Variants in BANP observed in about 807,000 individuals in gnomAD.
BANP encodes the protein BTG3 associated nuclear protein.
BANP carries 11 observed loss-of-function variants against 68.1 expected under a neutral mutation model. That is an observed-to-expected ratio of 0.16 (90% confidence interval 0.10 to 0.27). The LOEUF is 0.27. BANP is among the 10% of genes least tolerant of loss of function. The pLI is 1.00. For synonymous variants in BANP, 329 were observed against 303.2 expected, an observed-to-expected ratio of 1.09 and a Z score of -0.88; for missense variants, 504 against 722.7, an observed-to-expected ratio of 0.70 and a Z score of 3.47.
chr16:88,013,620 G>T (rs1314212549), intron 6 of BANP, among the ~76,000 whole-genome samples: 1 of 152,360 alleles, frequency 6.6e-6, no homozygotes, highest in African/African-American at 2.4e-5. Flanking sequence ...TCAGAGCTCA[G>T]CAGGACTTTG....
At chr16:88,033,839 C>T (rs4843774) in intron 9 of BANP, among the ~76,000 whole-genome samples, 108,582 of 152,080 alleles carry the variant, frequency 0.71, 42,282 homozygotes, top group East Asian at 0.88. Context: ...GGCTTGCTCC[C>T]GGGTGAAGTC....
rs528725968 is a variant in BANP, at chr16:88,029,338, T to G, written c.1063+1688T>G. ...AAAAAAAAAAAAAAAAGCCGGGTGC[T>G]GTGGCTCACGCATGTAATCCCAGCA... is the stretch of plus-strand genomic sequence containing the variant. On this transcript the variant is annotated intron_variant, in intron 8 of 13. Coordinates refer to ENST00000682872, the MANE Select transcript of BANP (RefSeq NM_001386991.1). 1.8e-3 allele frequency among the ~76,000 whole-genome samples: 253 copies of G among 139,730 alleles called. 1 individual carries two copies. Among genetic ancestry groups the G allele is most frequent in the African/African-American group, 5.4e-3 (198 of 36,986 alleles). The allele number at this position is 139,730 out of a possible 152,430, so 91.7% of individuals were successfully genotyped here. A position where few individuals can be genotyped will look rare whatever the true frequency, so the allele number is the denominator to read the frequency against.
Position 88,038,625 on chromosome 16 carries a change from G to A in BANP, c.1311+614G>A, listed in dbSNP as rs114183060. On this transcript the variant is annotated intron_variant, in intron 11 of 13. Coordinates refer to ENST00000682872, the MANE Select transcript of BANP (RefSeq NM_001386991.1). Reference sequence around the variant, plus strand: ...CAAACTTGCCAGCTTTCTAATCCTTGATGAAAAGAGTGACCATTGGTTGAA... The same window carrying A: ...CAAACTTGCCAGCTTTCTAATCCTTAATGAAAAGAGTGACCATTGGTTGAA... Among the ~76,000 whole-genome samples the A allele has an allele frequency of 3.2e-3, 490 of 152,312 alleles. 4 individuals are homozygous for A. Among genetic ancestry groups the A allele is most frequent in the African/African-American group, 0.011 (470 of 41,562 alleles).
intron 7 of BANP, among the ~76,000 whole-genome samples, chr16:88,021,151 G>T (rs1280039871): frequency 6.6e-6 from 1 of 152,218 alleles, no homozygotes; most frequent in Non-Finnish European, 1.5e-5. Flanking sequence ...CCCTGGGCCC[G>T]CTGGCTTCGG....
chr16:87,999,371 C>CCCA (rs2068433255), intron 4 of BANP, among the ~76,000 whole-genome samples: 1 of 143,320 alleles, frequency 7.0e-6, no homozygotes. Context: ...CTTCCAGACA[C>CCCA]GTCTCCATGC....
intron 6 of BANP, among the ~76,000 whole-genome samples, chr16:88,010,812 C>T (rs2072879377): frequency 6.6e-6 from 1 of 152,124 alleles, no homozygotes; most frequent in Non-Finnish European, 1.5e-5. Flanking sequence ...CCATGGAATG[C>T]CATTCGTGCA....
At chr16:88,051,678 C>A (rs2083299759) in intron 11 of BANP, among the ~76,000 whole-genome samples, 1 of 152,174 alleles carries the variant, frequency 6.6e-6, no homozygotes, top group African/African-American at 2.4e-5. Context: ...TAGCAGCCCA[C>A]CCACCTGACA....
At position 88,004,717 on chromosome 16, in the gene BANP, C is replaced by A. The variant is rs2070459810; in HGVS notation, c.479+306C>A. Among the ~76,000 whole-genome samples the A allele has an allele frequency of 6.6e-6, 1 of 152,210 alleles. No homozygotes were observed. Among genetic ancestry groups the A allele is most frequent in the African/African-American group, 2.4e-5 (1 of 41,452 alleles). On this transcript the variant is annotated intron_variant, in intron 5 of 13. Coordinates refer to ENST00000682872, the MANE Select transcript of BANP (RefSeq NM_001386991.1). The surrounding 1 kb of genome is among the most constrained non-coding windows in gnomAD (Gnocchi z 7.0). Reference sequence around the variant, plus strand: ...GCAGTCTGTGAAAGCGTTCATCCTCCCACCTAGCTCAGTGGTCCTCACGTC... The same window carrying A: ...GCAGTCTGTGAAAGCGTTCATCCTCACACCTAGCTCAGTGGTCCTCACGTC...
chr16:87,988,294 C>T (rs746930279), intron 4 of BANP, among the ~76,000 whole-genome samples: 104 of 152,192 alleles, frequency 6.8e-4, no homozygotes, highest in Non-Finnish European at 1.1e-3. Flanking sequence ...GATGGAGTCT[C>T]GCTCTGTTGC....
At chr16:87,956,962 G>C (rs184597055) in intron 1 of BANP, 1 of 152,372 alleles carries the variant, frequency 6.6e-6, no homozygotes, top group East Asian at 1.9e-4. Flanking sequence ...GCAGAATCCT[G>C]TGAGTGTCTT....
chr16:87,987,180 G>A (rs2064654091), intron 4 of BANP, among the ~76,000 whole-genome samples: 2 of 152,228 alleles, frequency 1.3e-5, no homozygotes, highest in African/African-American at 4.8e-5. Flanking sequence ...CCAGGCTCAA[G>A]CAATTCTCCT....
chr16:87,984,091 G>T lies in BANP; in HGVS notation c.194G>T (p.Cys65Phe), dbSNP rs2063816446. The change falls in exon 4 of 14, where the codon TGC becomes TTC. Residue 65 changes from cysteine (C) to phenylalanine (F), a missense_variant. Around this residue, in one of 3 missense-constraint regions of BANP, gnomAD observed 238 missense variants for 278.9 expected, o/e 0.85. Transcript: ENST00000682872. ...SFLYSINQTI[C>F]LRLDSIEAKL... ...CTGTATTCCATCAACCAGACAATCT[G>T]CTTGCGGTTGGATAGCATTGAAGCC... The T allele has an allele frequency of 6.2e-7, 1 of 1,613,916 alleles. No homozygotes were observed.
intron 3 of BANP, chr16:87,982,810 C>T (rs191741274): frequency 1.3e-5 from 2 of 152,342 alleles, no homozygotes; most frequent in East Asian, 3.9e-4. Flanking sequence ...ACTGTGTACG[C>T]CAGGTTTCCA....
intron 1 of BANP, among the ~76,000 whole-genome samples, chr16:87,959,295 CTGTTTTAAAA>C (rs2058672018): frequency 6.6e-6 from 1 of 152,248 alleles, no homozygotes; most frequent in East Asian, 1.9e-4. Context: ...TGTTATTTTT[CTGTTTTAAAA>C]TGTAAAACCC....
Position 88,002,717 on chromosome 16 carries a change from A to G in BANP, c.363-1578A>G, listed in dbSNP as rs2069759448. ...TCCTTCACCTTAATAAGGATCTTCA[A>G]GGAAAAAAAAGGTATATTTGGTCAA... On this transcript the variant is annotated intron_variant, in intron 4 of 13. Transcript: ENST00000682872. The surrounding 1 kb of genome is among the most constrained non-coding windows in gnomAD (Gnocchi z 4.6). Among the ~76,000 whole-genome samples, 1 of 152,168 alleles carries G rather than the reference A, an allele frequency of 6.6e-6. No homozygotes were observed. Among genetic ancestry groups the G allele is most frequent in the Non-Finnish European group, 1.5e-5 (1 of 68,036 alleles).
intron 5 of BANP, among the ~76,000 whole-genome samples, chr16:88,005,814 T>C (rs761593713): frequency 1.3e-5 from 2 of 152,270 alleles, no homozygotes; most frequent in African/African-American, 4.8e-5. Flanking sequence ...GAAGGCAGCA[T>C]GCTAGGCCTG....
intron 4 of BANP, among the ~76,000 whole-genome samples, chr16:87,995,884 C>T (rs536753569): frequency 1.3e-5 from 2 of 152,352 alleles, no homozygotes; most frequent in East Asian, 1.9e-4. Context: ...AGCGGGAGCC[C>T]CTGGAGGCTG....
At position 88,074,838 on chromosome 16, in the gene BANP, A is replaced by G. The variant is rs1189203450; in HGVS notation, c.1522-1752A>G. 2.6e-5 allele frequency among the ~76,000 whole-genome samples: 4 copies of G among 152,118 alleles called. No homozygotes were observed. The East Asian group carries it at 7.7e-4, about 29-fold the overall frequency. On this transcript the variant is annotated intron_variant, in intron 13 of 13. Transcript: ENST00000682872. The stretch of plus-strand genomic sequence containing the variant: ...GAGACAGTCCTCATACTGACCCCTC[A>G]TCCTACCCTGGAAGGCCCCTCCTCC...
chr16:87,970,794 G>A (rs1000729459), intron 1 of BANP, among the ~76,000 whole-genome samples: 4 of 152,088 alleles, frequency 2.6e-5, no homozygotes, highest in Non-Finnish European at 4.4e-5. Context: ...TGAGGTGGGC[G>A]AATCACCTGA....
Sources: gnomAD v4.1 joint callset for allele counts (sites outside exome capture counted in the v4.1 genomes callset) on GRCh38, gnomAD v4.1.1 for gene constraint, gnomAD v4.1.1 regional missense constraint, Gnocchi (gnomAD v3.1) non-coding constraint, MANE v1.5 for transcripts, NCBI Gene and HGNC (gene_info 2026-07-23, HGNC 2026-07-21) for gene names.